The following CNTNAP3B variants were observed in gnomAD, a reference collection of about 807,000 sequenced individuals.
The protein encoded by CNTNAP3B is contactin-associated protein-like 3B.
CNTNAP3B carries 25 observed loss-of-function variants against 108.9 expected under a neutral mutation model. That is an observed-to-expected ratio of 0.23 (90% CI 0.17 to 0.32). The LOEUF is 0.32. Ranked by LOEUF, CNTNAP3B falls within the 10% of genes least tolerant of loss-of-function variation. CNTNAP3B has a pLI of 1.00. For missense variants in CNTNAP3B, 252 were observed against 1,210.4 expected (o/e 0.21, Z 11.75); for synonymous variants, 103 against 473.4 (o/e 0.22, Z 10.16).
intron 3 of CNTNAP3B, among the ~76,000 whole-genome samples, chr9:42,032,766 C>A (rs1460790153): frequency 7.3e-6 from 1 of 137,162 alleles, no homozygotes; most frequent in South Asian, 2.5e-4. Context: ...CACTTATTCT[C>A]GCACAGCTCT....
chr9:41,927,335 A>G (rs1322625001), intron 15 of CNTNAP3B, among the ~76,000 whole-genome samples: 4,123 of 125,362 alleles, frequency 0.033, no homozygotes, highest in South Asian at 0.047. Context: ...GACTTACACT[A>G]CAAGTATAAA....
intron 2 of CNTNAP3B, among the ~76,000 whole-genome samples, chr9:42,078,428 C>T (rs1294494475): frequency 6.4e-5 from 9 of 139,780 alleles, no homozygotes; most frequent in Non-Finnish European, 9.2e-5. Flanking sequence ...TCTGAATGTA[C>T]GATAAGCACC....
rs374979410 is a variant in CNTNAP3B at position 42,032,870 on chromosome 9, GCTCT to G, written c.391-19349_391-19346del. 2.1e-3 allele frequency among the ~76,000 whole-genome samples: 269 copies of G among 127,812 alleles called. 1 individual carries two copies. Among genetic ancestry groups the G allele is most frequent in the African/African-American group, 7.4e-3 (243 of 32,786 alleles). The allele number at this position is 127,812 out of a possible 152,430, so 83.8% of individuals were successfully genotyped here. A position where few individuals can be genotyped will look rare whatever the true frequency, so the allele number is the denominator to read the frequency against. ...TCTCACTGTGTCCTCACATGGCAGT[GCTCT>G]CTCTCTCTCTCTCCCCCTCTCTTCC... On this transcript the variant is annotated intron_variant, in intron 3 of 23. Transcript: ENST00000377561.
chr9:42,055,723 T>G (rs1475404798), intron 3 of CNTNAP3B, among the ~76,000 whole-genome samples: 1 of 88,140 alleles, frequency 1.1e-5, no homozygotes, highest in African/African-American at 4.7e-5. Context: ...GAAATCATAT[T>G]CATAAAAAGG....
chr9:41,961,895 A>G (rs1202015903), intron 11 of CNTNAP3B, among the ~76,000 whole-genome samples: 1 of 152,296 alleles, frequency 6.6e-6, no homozygotes, highest in Non-Finnish European at 1.5e-5. Context: ...GACATTGCTA[A>G]TCTTTATTTT....
At chr9:41,933,233 G>GT (rs1416863991) in intron 14 of CNTNAP3B, among the ~76,000 whole-genome samples, 2 of 152,098 alleles carry the variant, frequency 1.3e-5, no homozygotes, top group African/African-American at 4.8e-5. Flanking sequence ...TCATGGGGGG[G>GT]GCTGTCCTGT....
rs1383928700 is a variant in CNTNAP3B, at chr9:42,125,668, T to G, written c.85+3342A>C. Among the ~76,000 whole-genome samples the G allele has an allele frequency of 4.4e-5, 6 of 137,112 alleles. 1 individual carries two copies. Among genetic ancestry groups the G allele is most frequent in the African/African-American group, 8.7e-5 (3 of 34,556 alleles). 90.0% of individuals were successfully genotyped at this position (137,112 alleles called of 152,430 possible). On this transcript the variant is annotated intron_variant, in intron 1 of 23. Transcript: ENST00000377561. ...AGGCATGTGAACTACATTTTTTGTT[T>G]TTTTTTTTTTGTTTTTTTTTGAGAC...
chr9:41,981,348 T>TAA (rs1825626536), intron 9 of CNTNAP3B, among the ~76,000 whole-genome samples: 1 of 60,414 alleles, frequency 1.7e-5, no homozygotes, highest in Non-Finnish European at 2.9e-5. Flanking sequence ...TTCAATGCTA[T>TAA]TCCTATCAAA....
At chr9:41,962,193 CAATT>C (rs1162940635) in intron 11 of CNTNAP3B, among the ~76,000 whole-genome samples, 3 of 152,030 alleles carry the variant, frequency 2.0e-5, no homozygotes, top group South Asian at 2.1e-4. Context: ...TAATTATATA[CAATT>C]AATTAGTTGC....
chr9:41,940,206 T>C (rs1460706868), intron 13 of CNTNAP3B, among the ~76,000 whole-genome samples: 22 of 152,388 alleles, frequency 1.4e-4, no homozygotes, highest in Non-Finnish European at 2.4e-4. Flanking sequence ...GGCTGTAAAC[T>C]TCCCACATGT....
intron 14 of CNTNAP3B, among the ~76,000 whole-genome samples, chr9:41,932,657 T>C (rs1410024392): frequency 1.3e-5 from 2 of 152,194 alleles, no homozygotes; most frequent in African/African-American, 4.8e-5. Context: ...GTAGCTGGGA[T>C]TACATGCGTG....
At chr9:42,122,354 C>A (rs1346949158) in intron 1 of CNTNAP3B, among the ~76,000 whole-genome samples, 1 of 137,574 alleles carries the variant, frequency 7.3e-6, no homozygotes, top group African/African-American at 2.9e-5. Flanking sequence ...TAAAGCTAAG[C>A]AACATCATTT....
At chr9:41,948,352 A>G (rs1824588055) in intron 13 of CNTNAP3B, among the ~76,000 whole-genome samples, 1 of 152,188 alleles carries the variant, frequency 6.6e-6, no homozygotes, top group Admixed American at 6.5e-5. Context: ...TCAGCCTCCC[A>G]AAGTGCTGGG....
chr9:42,024,563 A>G lies in CNTNAP3B; in HGVS notation c.391-11038T>C, dbSNP rs1186619043. On this transcript the variant is annotated intron_variant, in intron 3 of 23. Transcript: ENST00000377561. ...TTTACAAAAGATCTATTTGCAGAATAATTTCAGAGCAGCAAGAACAGACAG... is the reference window on the plus strand; with the variant it reads ...TTTACAAAAGATCTATTTGCAGAATGATTTCAGAGCAGCAAGAACAGACAG... 9.9e-5 allele frequency among the ~76,000 whole-genome samples: 11 copies of G among 110,568 alleles called. No individual in the cohort carries two copies. The South Asian group carries it at 3.5e-3, about 36-fold the overall frequency. 72.5% of individuals were successfully genotyped at this position (110,568 alleles called of 152,430 possible).
chr9:41,976,823 G>T (rs1018688596), intron 9 of CNTNAP3B, among the ~76,000 whole-genome samples: 2 of 120,398 alleles, frequency 1.7e-5, no homozygotes, highest in Non-Finnish European at 3.4e-5. Flanking sequence ...AGAGGCTGAG[G>T]TGGAAGAAGT....
chr9:41,963,289 A>T (rs1487610594), intron 11 of CNTNAP3B, among the ~76,000 whole-genome samples: 1 of 152,156 alleles, frequency 6.6e-6, no homozygotes, highest in Non-Finnish European at 1.5e-5. Context: ...GTTTCCTTGA[A>T]GACCCAGGGA....
intron 14 of CNTNAP3B, among the ~76,000 whole-genome samples, chr9:41,935,100 T>C (rs1444066810): frequency 3.9e-5 from 6 of 152,290 alleles, no homozygotes; most frequent in Non-Finnish European, 7.3e-5. Flanking sequence ...TACACATATA[T>C]TGACTTGCAG....
chr9:42,063,632 C>T (rs1364311914), intron 3 of CNTNAP3B, among the ~76,000 whole-genome samples: 1 of 136,314 alleles, frequency 7.3e-6, no homozygotes, highest in African/African-American at 3.0e-5. Context: ...TTTCTGCCTG[C>T]CTTCCTGCCT....
At chr9:42,089,200 A>AGGGAG (rs757643060) in intron 2 of CNTNAP3B, among the ~76,000 whole-genome samples, 3 of 92,368 alleles carry the variant, frequency 3.2e-5, no homozygotes, top group Admixed American at 1.3e-4. Flanking sequence ...GAAGGGGAAA[A>AGGGAG]GGGAGGGGAG....
Sources: allele counts gnomAD v4.1 joint callset (sites outside exome capture counted in the v4.1 genomes callset), GRCh38; gene constraint gnomAD v4.1.1; transcripts MANE v1.5; gene names NCBI Gene and HGNC (gene_info 2026-07-23, HGNC 2026-07-21).